The following RAD51B variants were observed in gnomAD, a reference collection of about 807,000 sequenced individuals.
RAD51B encodes the protein DNA repair protein RAD51 homolog 2.
RAD51B carries 38 observed loss-of-function variants against 42.2 expected under a neutral mutation model. The observed-to-expected ratio is 0.90, with a 90% CI of 0.70 to 1.18. The LOEUF (loss-of-function observed/expected upper bound fraction) is 1.18. RAD51B is among the 50% of genes most tolerant of loss of function. The probability of loss-of-function intolerance (pLI) is 0.00; values close to 1 mark genes in which losing one functional copy is unlikely to be tolerated. For synonymous variants in RAD51B, 154 were observed against 145.2 expected (o/e 1.06, Z -0.43); for missense variants, 373 against 400.7 (o/e 0.93, Z 0.59).
intron 4 of RAD51B, among the ~76,000 whole-genome samples, chr14:67,844,838 G>T (rs1203206532): frequency 6.6e-6 from 1 of 151,850 alleles, no homozygotes; most frequent in African/African-American, 2.4e-5. Flanking sequence ...CATGTCCTTT[G>T]TAGGGACGTG....
At chr14:68,282,335 T>G (rs2081335289) in intron 7 of RAD51B, among the ~76,000 whole-genome samples, 1 of 152,084 alleles carries the variant, frequency 6.6e-6, no homozygotes, top group East Asian at 1.9e-4. Flanking sequence ...GTTTGAATGT[T>G]AGTAACCATG....
At position 68,679,831 on chromosome 14, in the gene RAD51B, C is replaced by T. The variant is rs145416181; in HGVS notation, c.*11+28975C>T. ...CCCTGATTGCCAAGTTGTAGGTGTT[C>T]TATAACGTTCTTTCTTCTGGAATCC... On this transcript the variant is annotated intron_variant, in intron 11 of 11. Transcript: ENST00000488612. 7.2e-3 allele frequency among the ~76,000 whole-genome samples: 1,098 copies of T among 152,302 alleles called. 22 individuals are homozygous for T. The highest frequency in any genetic ancestry group is 5.2e-3 in the Non-Finnish European group (351 of 68,026).
intron 10 of RAD51B, among the ~76,000 whole-genome samples, chr14:68,530,705 A>T (rs1237021710): frequency 6.6e-6 from 1 of 152,196 alleles, no homozygotes; most frequent in African/African-American, 2.4e-5. Context: ...GGATTTTTTT[A>T]AAATGAAGTT....
At chr14:68,364,654 G>A (rs566628014) in intron 8 of RAD51B, among the ~76,000 whole-genome samples, 2 of 152,220 alleles carry the variant, frequency 1.3e-5, no homozygotes, top group Non-Finnish European at 2.9e-5. Context: ...TCTCTCACAG[G>A]AATGATGGGA....
intron 7 of RAD51B, among the ~76,000 whole-genome samples, chr14:67,989,654 A>AAAAG (rs1434672551): frequency 2.7e-5 from 4 of 150,502 alleles, no homozygotes; most frequent in South Asian, 2.1e-4. Context: ...AAAAAAAAAA[A>AAAAG]AAAGAAAGAA....
chr14:68,414,882 A>AT (rs1324944664), intron 9 of RAD51B, among the ~76,000 whole-genome samples: 10 of 144,968 alleles, frequency 6.9e-5, no homozygotes, highest in Non-Finnish European at 1.5e-4. Context: ...AAAAAAAAAA[A>AT]ATAGCCAGGC....
chr14:67,890,462 T>TTTA (rs1422368091), intron 7 of RAD51B, among the ~76,000 whole-genome samples: 5 of 151,514 alleles, frequency 3.3e-5, no homozygotes, highest in African/African-American at 4.8e-5. Context: ...TTTTTATTTA[T>TTTA]TTATTATTAT....
rs1468339900 is a variant in RAD51B at position 68,529,027 on chromosome 14, G to A, written c.1036+60777G>A. 2.6e-5 allele frequency among the ~76,000 whole-genome samples: 4 copies of A among 152,186 alleles called. No individual in the cohort carries two copies. In the East Asian group the frequency reaches 7.7e-4, roughly 29 times the overall value. On this transcript the variant is annotated intron_variant, in intron 10 of 10. Transcript: ENST00000487270. The stretch of plus-strand genomic sequence containing the variant: ...AAATACAGGTTTTCTTTCTCTAGGT[G>A]GGTTATGTTGAAATGGTGAACCAGG...
chr14:68,370,685 C>G (rs1259907285), intron 8 of RAD51B, among the ~76,000 whole-genome samples: 2 of 152,022 alleles, frequency 1.3e-5, no homozygotes, highest in African/African-American at 4.8e-5. Context: ...TGGTCAGATT[C>G]AAGATAAATA....
intron 8 of RAD51B, among the ~76,000 whole-genome samples, chr14:68,347,500 A>G (rs746266609): frequency 2.0e-5 from 3 of 152,196 alleles, no homozygotes; most frequent in Non-Finnish European, 2.9e-5. Flanking sequence ...TGAGCGACGT[A>G]GTAGGGACCC....
At chr14:68,113,092 A>G (rs1428430827) in intron 7 of RAD51B, among the ~76,000 whole-genome samples, 1 of 152,052 alleles carries the variant, frequency 6.6e-6, no homozygotes, top group Non-Finnish European at 1.5e-5. Context: ...TGGTTTATTG[A>G]TTTTTTAAAT....
chr14:68,356,843 C>T (rs145804505), intron 8 of RAD51B, among the ~76,000 whole-genome samples: 6,088 of 151,732 alleles, frequency 0.04, 143 homozygotes, highest in African/African-American at 0.056. Flanking sequence ...ATTAGCCGGG[C>T]GCGGTGGCGG....
intron 7 of RAD51B, among the ~76,000 whole-genome samples, chr14:68,087,963 T>TA (rs1566634582): frequency 4.4e-5 from 5 of 112,570 alleles, no homozygotes; most frequent in African/African-American, 2.3e-4. Flanking sequence ...AATTATATAA[T>TA]TTATTATTAT....
intron 7 of RAD51B, among the ~76,000 whole-genome samples, chr14:68,102,586 A>G (rs892865168): frequency 6.6e-6 from 1 of 152,184 alleles, no homozygotes; most frequent in Admixed American, 6.5e-5. Flanking sequence ...CATTTTGGTC[A>G]AAGCCATTCA....
chr14:68,633,545 G>A (rs901869941), intron 10 of RAD51B, among the ~76,000 whole-genome samples: 1 of 152,158 alleles, frequency 6.6e-6, no homozygotes, highest in Non-Finnish European at 1.5e-5. Context: ...GTGCAGCTGG[G>A]GCAGTTTATG....
chr14:68,082,501 G>T (rs922029564), intron 7 of RAD51B, among the ~76,000 whole-genome samples: 7 of 151,720 alleles, frequency 4.6e-5, no homozygotes, highest in Non-Finnish European at 8.8e-5. Context: ...ATTTATGTAT[G>T]TATGTATGTA....
intron 7 of RAD51B, among the ~76,000 whole-genome samples, chr14:68,092,377 A>C (rs1225294078): frequency 6.6e-6 from 1 of 152,070 alleles, no homozygotes; most frequent in Admixed American, 6.5e-5. Context: ...TATTTCATTG[A>C]GCAGTGGTTT....
At chr14:68,496,400 G>C (rs926347430) in intron 10 of RAD51B, among the ~76,000 whole-genome samples, 1 of 152,188 alleles carries the variant, frequency 6.6e-6, no homozygotes, top group African/African-American at 2.4e-5. Flanking sequence ...CCATGCCTCT[G>C]GGCCAATGTG....
chr14:68,490,140 G>T (rs538654577), intron 10 of RAD51B, among the ~76,000 whole-genome samples: 6 of 152,212 alleles, frequency 3.9e-5, no homozygotes, highest in Non-Finnish European at 7.3e-5. Flanking sequence ...GTGCAGAATG[G>T]TTTGTTATGG....
Sources: gnomAD v4.1 joint callset for allele counts (sites outside exome capture counted in the v4.1 genomes callset) on GRCh38, gnomAD v4.1.1 for gene constraint, MANE v1.5 for transcripts, NCBI Gene and HGNC (gene_info 2026-07-23, HGNC 2026-07-21) for gene names.